PCDH15: variants seen among roughly 807,000 people sequenced by gnomAD.
The protein encoded by PCDH15 is protocadherin-15.
A neutral mutation model predicts 178.5 loss-of-function variants in PCDH15; 129 were observed. The ratio of observed to expected loss-of-function variants is 0.72; its 90% CI spans 0.63 to 0.84. The LOEUF (loss-of-function observed/expected upper bound fraction) is 0.84, where lower values mean the gene tolerates loss of function less well. Among genes scored for constraint, PCDH15 ranks in the 40% least tolerant of loss-of-function variants. The pLI, the probability that PCDH15 is intolerant of heterozygous loss-of-function variation, is 0.00. For synonymous variants in PCDH15, 800 were observed against 732.0 expected (o/e 1.09, Z -1.50); for missense variants, 2,230 against 2,099.9 (o/e 1.06, Z -1.21).
At chr10:55,367,974 C>T (rs1845408561) in intron 2 of PCDH15, among the ~76,000 whole-genome samples, 1 of 152,088 alleles carries the variant, frequency 6.6e-6, no homozygotes, top group African/African-American at 2.4e-5. Context: ...TCTGGCCTCC[C>T]ATTACACACA....
rs114536206 is a variant in PCDH15, at chr10:55,556,546, T to C, written c.-156+71079A>G. On this transcript the variant is annotated intron_variant, in intron 2 of 5. Transcript: ENST00000613346. ...AGACTGGGTTTAAAAGTTATTTACA[T>C]TGGGCCAGGAGTGGTGGCTCACACC... is the stretch of plus-strand genomic sequence containing the variant. Among the ~76,000 whole-genome samples, 549 of 152,168 alleles carry C rather than the reference T, an allele frequency of 3.6e-3. 5 individuals are homozygous for C. The highest frequency in any genetic ancestry group is 0.013 in the African/African-American group (524 of 41,536).
chr10:54,850,079 T>C (rs2131764343), intron 3 of PCDH15, among the ~76,000 whole-genome samples: 1 of 152,112 alleles, frequency 6.6e-6, no homozygotes, highest in Non-Finnish European at 1.5e-5. Flanking sequence ...ATTTTGAAAA[T>C]TTACCAAATT....
At chr10:55,238,412 A>C (rs2132208368) in intron 1 of PCDH15, among the ~76,000 whole-genome samples, 1 of 152,040 alleles carries the variant, frequency 6.6e-6, no homozygotes. Context: ...GGCCTCCCAA[A>C]GTGCTGGGAT....
At chr10:54,747,330 T>C (rs1322722796) in intron 1 of PCDH15, among the ~76,000 whole-genome samples, 1 of 152,194 alleles carries the variant, frequency 6.6e-6, no homozygotes, top group African/African-American at 2.4e-5. Flanking sequence ...ACCCTTTCTC[T>C]ATGCTTTCCT....
At chr10:54,439,225 T>C (rs375388452) in intron 3 of PCDH15, among the ~76,000 whole-genome samples, 2 of 152,192 alleles carry the variant, frequency 1.3e-5, no homozygotes, top group African/African-American at 2.4e-5. Context: ...AAAATGTTAG[T>C]TGACATGTGG....
chr10:53,849,899 T>C (rs1345490813), intron 28 of PCDH15, among the ~76,000 whole-genome samples: 6 of 149,276 alleles, frequency 4.0e-5, no homozygotes, highest in African/African-American at 1.5e-4. Flanking sequence ...AAAGAAAAAT[T>C]TGTACAAATT....
intron 2 of PCDH15, among the ~76,000 whole-genome samples, chr10:55,603,673 A>C (rs1417269370): frequency 9.3e-5 from 14 of 150,428 alleles, no homozygotes; most frequent in African/African-American, 2.7e-4. Context: ...GAAATAAAAT[A>C]CTTTACAGAC....
chr10:55,619,691 A>G (rs1474883955), intron 2 of PCDH15, among the ~76,000 whole-genome samples: 3 of 152,066 alleles, frequency 2.0e-5, no homozygotes, highest in Non-Finnish European at 4.4e-5. Context: ...TAAATTCTCT[A>G]GCTTGTAGCT....
At chr10:54,651,119 T>G (rs2094250190) in intron 2 of PCDH15, among the ~76,000 whole-genome samples, 1 of 151,920 alleles carries the variant, frequency 6.6e-6, no homozygotes, top group African/African-American at 2.4e-5. Context: ...CAAAGGAAAT[T>G]GAGCTTATAA....
intron 30 of PCDH15, among the ~76,000 whole-genome samples, chr10:53,830,078 C>T (rs1315196145): frequency 2.0e-5 from 3 of 151,976 alleles, no homozygotes; most frequent in East Asian, 1.9e-4. Flanking sequence ...CTGAGGTGGG[C>T]GGATCACGAA....
chr10:54,550,132 T>G (rs1306153916), intron 2 of PCDH15, among the ~76,000 whole-genome samples: 2 of 152,228 alleles, frequency 1.3e-5, no homozygotes, highest in Non-Finnish European at 2.9e-5. Context: ...TTATCTTATC[T>G]GATTGTTGAA....
intron 1 of PCDH15, among the ~76,000 whole-genome samples, chr10:55,226,972 C>T (rs887608445): frequency 4.0e-5 from 6 of 151,674 alleles, no homozygotes; most frequent in Non-Finnish European, 8.8e-5. Context: ...AAGAGATTAA[C>T]AAAAAAATTA....
chr10:54,724,751 T>C (rs1383452796), intron 1 of PCDH15, among the ~76,000 whole-genome samples: 2 of 151,260 alleles, frequency 1.3e-5, no homozygotes, highest in Admixed American at 6.6e-5. Context: ...GCTATATACA[T>C]ATAGGTTTCT....
chr10:54,915,352 C>T (rs1012405119), intron 2 of PCDH15, among the ~76,000 whole-genome samples: 2 of 152,066 alleles, frequency 1.3e-5, no homozygotes, highest in Non-Finnish European at 2.9e-5. Context: ...ATTAATGATG[C>T]TAATATGCCT....
chr10:54,215,742 T>C, intron 9 of PCDH15, among the ~76,000 whole-genome samples: 1 of 152,040 alleles, frequency 6.6e-6, no homozygotes, highest in East Asian at 1.9e-4. Flanking sequence ...AGAAAACATT[T>C]GAAATTTATG....
intron 1 of PCDH15, among the ~76,000 whole-genome samples, chr10:54,738,071 G>T (rs1435019353): frequency 1.3e-5 from 2 of 152,014 alleles, no homozygotes; most frequent in East Asian, 1.9e-4. Context: ...GGAGAATAAC[G>T]AACTCTTTGA....
At chr10:55,511,943 G>A (rs1840894288) in intron 2 of PCDH15, among the ~76,000 whole-genome samples, 1 of 151,986 alleles carries the variant, frequency 6.6e-6, no homozygotes, top group African/African-American at 2.4e-5. Context: ...TATTCTTAAG[G>A]AGATTTGGAG....
Position 55,448,342 on chromosome 10 carries a change from C to A in PCDH15, c.-156+179283G>T, listed in dbSNP as rs548797016. 1.4e-3 allele frequency among the ~76,000 whole-genome samples: 210 copies of A among 151,952 alleles called. 2 individuals carry two copies. Among genetic ancestry groups the A allele is most frequent in the African/African-American group, 5.0e-3 (206 of 41,502 alleles). On this transcript the variant is annotated intron_variant, in intron 2 of 5. Transcript: ENST00000613346. ...CATCACTCTGTAATAAATATCTCAT[C>A]TGTGAAAAATAAATCAAGATTCACC... is the stretch of plus-strand genomic sequence containing the variant.
At chr10:55,365,586 G>T (rs995211255) in intron 2 of PCDH15, among the ~76,000 whole-genome samples, 4 of 152,060 alleles carry the variant, frequency 2.6e-5, no homozygotes, top group Non-Finnish European at 5.9e-5. Flanking sequence ...GGAACCCAGT[G>T]GGAGGTGATT....
Sources: allele counts gnomAD v4.1 joint callset (sites outside exome capture counted in the v4.1 genomes callset), GRCh38; gene constraint gnomAD v4.1.1; transcripts MANE v1.5; gene names NCBI Gene and HGNC (gene_info 2026-07-23, HGNC 2026-07-21).